Variants in PLXNA1 observed in about 807,000 individuals in gnomAD.
PLXNA1 encodes plexin A1.
Under a neutral mutation model 191.7 loss-of-function variants are expected in PLXNA1, and 77 were observed. The observed-to-expected ratio is 0.40, with a 90% CI of 0.33 to 0.49. The LOEUF (loss-of-function observed/expected upper bound fraction) is 0.49. Among genes scored for constraint, PLXNA1 ranks in the 20% least tolerant of loss-of-function variants. PLXNA1 has a pLI of 0.63. For synonymous variants in PLXNA1, 1,137 were observed against 1,156.4 expected (o/e 0.98, Z 0.34); for missense variants, 2,110 against 2,660.2 (o/e 0.79, Z 4.55).
intron 29 of PLXNA1, among the ~76,000 whole-genome samples, chr3:127,030,925 C>T (rs2079206906): frequency 6.6e-6 from 1 of 152,188 alleles, no homozygotes; most frequent in South Asian, 2.1e-4. Context: ...CGGAGCAGGG[C>T]CTGCCCAGCC....
In PLXNA1 at chr3:127,022,229, A is replaced by T. The variant is rs769808781; in HGVS notation, c.4183A>T (p.Thr1395Ser). ...DRGNVASLIM[T>S]ALQGEMEYAT... ...CGGGAATGTGGCCTCGCTCATCATG[A>T]CGGCCCTGCAGGGCGAGATGGAATA... The change falls in exon 22 of 32, where the codon ACG (threonine) becomes TCG (serine). Residue 1395 changes from threonine (T) to serine (S), a missense_variant. Around this residue, in one of 4 missense-constraint regions of PLXNA1, gnomAD observed 559 missense variants for 911.5 expected, o/e 0.61. Coordinates refer to ENST00000393409, the MANE Select transcript of PLXNA1 (RefSeq NM_032242.4). 1 of 1,613,438 alleles carries T rather than the reference A, an allele frequency of 6.2e-7. No individual in the cohort carries two copies. Among genetic ancestry groups the T allele is most frequent in the Non-Finnish European group, 8.5e-7 (1 of 1,179,988 alleles).
At position 126,988,696 on chromosome 3, in the gene PLXNA1, G is replaced by T. The variant is rs747274300; in HGVS notation, c.103G>T (p.Gly35Trp). The T allele has an allele frequency of 6.4e-7, 1 of 1,574,702 alleles. No homozygotes were observed. Among genetic ancestry groups the T allele is most frequent in the Admixed American group, 1.7e-5 (1 of 57,606 alleles). ...TGAGGCAGGCTTGCCCAGGGCAGGC[G>T]GGGGTTCACAGCCCCCCTTCCGCAC... ...WAEAGLPRAG[G>W]GSQPPFRTFS... Residue 35 changes from glycine to tryptophan, a missense_variant, in exon 2 of 32, where the codon GGG (glycine) becomes TGG (tryptophan). Physicochemically the swap from Gly to Trp is radical, Grantham distance 184 (BLOSUM62 -2). This residue lies in a region of PLXNA1 where 903 missense variants were observed against 1,015.7 expected (regional missense o/e 0.89). Transcript: ENST00000393409.
chr3:127,011,104 A>G (rs1399229397), intron 9 of PLXNA1, among the ~76,000 whole-genome samples: 2 of 152,186 alleles, frequency 1.3e-5, no homozygotes, highest in Non-Finnish European at 2.9e-5. Flanking sequence ...GGTACAGCAT[A>G]GGTATGGCCA....
intron 3 of PLXNA1, among the ~76,000 whole-genome samples, chr3:127,000,409 G>A (rs2079034413): frequency 6.6e-6 from 1 of 152,198 alleles, no homozygotes; most frequent in African/African-American, 2.4e-5. Flanking sequence ...GCTGTGGCCA[G>A]GGTGTGGGCG....
rs542457114 is a variant in PLXNA1, at chr3:127,035,666, C to T, written c.*1649C>T. 69 of 152,690 alleles carry T rather than the reference C, an allele frequency of 4.5e-4. No homozygotes were observed. The highest frequency in any genetic ancestry group is 1.6e-3 in the African/African-American group (67 of 41,552). 9.5% of individuals were successfully genotyped at this position (152,690 alleles called of 1,614,324 possible). A position where few individuals can be genotyped will look rare whatever the true frequency, so the allele number is the denominator to read the frequency against. On this transcript the variant is annotated 3_prime_UTR_variant, in exon 32 of 32. Coordinates refer to ENST00000393409, the MANE Select transcript of PLXNA1 (RefSeq NM_032242.4). ...GCGGTCCATCCCCTTTTCAAGGTCA[C>T]TTTTTTGATGGTACCGAAGATCCCA... is the stretch of plus-strand genomic sequence containing the variant.
rs763701908 is a variant in PLXNA1 at position 127,022,256 on chromosome 3, G to A, written c.4210G>A (p.Ala1404Thr). The A allele has an allele frequency of 1.2e-6, 2 of 1,613,528 alleles. No homozygotes were observed. The highest frequency in any genetic ancestry group is 2.2e-5 in the East Asian group (1 of 44,868). ...MTALQGEMEY[A>T]TGVLKQLLSD... Reference sequence around the variant, plus strand: ...GGCCCTGCAGGGCGAGATGGAATACGCCACAGGCGTGCTCAAGCAGCTGCT... The same window carrying A: ...GGCCCTGCAGGGCGAGATGGAATACACCACAGGCGTGCTCAAGCAGCTGCT... The change falls in exon 22 of 32, where the codon GCC becomes ACC. Residue 1404 changes from alanine (A) to threonine (T), a missense_variant. This residue lies in a region of PLXNA1 where 559 missense variants were observed against 911.5 expected (regional missense o/e 0.61). Transcript: ENST00000393409.
intron 3 of PLXNA1, among the ~76,000 whole-genome samples, chr3:126,993,578 C>T (rs1352688335): frequency 2.0e-5 from 3 of 152,226 alleles, no homozygotes; most frequent in African/African-American, 7.2e-5. Context: ...GGTGCCCATA[C>T]CTGCCTCCCA....
Position 127,036,344 on chromosome 3 carries a change from G to C in PLXNA1, c.*2327G>C, listed in dbSNP as rs1333002058. On this transcript the variant is annotated 3_prime_UTR_variant, in exon 32 of 32. Coordinates refer to ENST00000393409, the MANE Select transcript of PLXNA1 (RefSeq NM_032242.4). ...GCCCTTGTCCATGTGAGTAGCATGG[G>C]CGGGTGGTGGGGACGGCAGTGGTGA... 6.5e-6 allele frequency: 1 copy of C among 152,720 alleles called. No individual in the cohort carries two copies. The highest frequency in any genetic ancestry group is 1.5e-5 in the Non-Finnish European group (1 of 68,212). 9.5% of individuals were successfully genotyped at this position (152,720 alleles called of 1,614,324 possible).
chr3:126,989,875 C>T, intron 2 of PLXNA1, 88 bp downstream of exon 2: 1 of 1,164,834 alleles, frequency 8.6e-7, no homozygotes, highest in East Asian at 2.4e-5. Context: ...CCAGTGGTGC[C>T]TGCTGTGTGC....
chr3:127,016,320 G>T (rs1451933863), intron 15 of PLXNA1, among the ~76,000 whole-genome samples, 197 bp from the exon 16 acceptor site: 1 of 152,172 alleles, frequency 6.6e-6, no homozygotes, highest in Non-Finnish European at 1.5e-5. Flanking sequence ...GTGGGGGCCT[G>T]AAGGGGCTGG....
chr3:127,018,371 T>G lies in PLXNA1; in HGVS notation c.3738T>G (p.Ile1246Met). The change falls in exon 20 of 32, where the codon ATT (isoleucine) becomes ATG (methionine). Residue 1246 changes from isoleucine to methionine, a missense_variant. Around this residue, in one of 4 missense-constraint regions of PLXNA1, gnomAD observed 559 missense variants for 911.5 expected, o/e 0.61. Coordinates refer to ENST00000393409, the MANE Select transcript of PLXNA1 (RefSeq NM_032242.4). ...ACAGCCTGCTGACGCTGCCTGCCAT[T>G]GTGGGCATTGGCGGAGGCGGGGGTC... The part of the protein sequence containing the change: ...YSDSLLTLPA[I>M]VGIGGGGGLL... 2 of 1,613,064 alleles carry G rather than the reference T, an allele frequency of 1.2e-6. No homozygotes were observed. The highest frequency in any genetic ancestry group is 1.7e-6 in the Non-Finnish European group (2 of 1,179,972).
At chr3:127,012,226 G>A (rs1576680714) in intron 10 of PLXNA1, 68 bp downstream of exon 10, 1 of 1,496,958 alleles carries the variant, frequency 6.7e-7, no homozygotes, top group Non-Finnish European at 9.1e-7. Flanking sequence ...ACGGCCCTGG[G>A]TCCTGGCGTG....
intron 29 of PLXNA1, among the ~76,000 whole-genome samples, chr3:127,031,341 G>C (rs542286523): frequency 6.6e-6 from 1 of 152,260 alleles, no homozygotes; most frequent in African/African-American, 2.4e-5. Context: ...GCCCCTCTCT[G>C]TGCACCAGGC....
intron 9 of PLXNA1, among the ~76,000 whole-genome samples, chr3:127,010,316 T>C (rs1314776791): frequency 1.3e-5 from 2 of 152,166 alleles, no homozygotes; most frequent in African/African-American, 4.8e-5. Flanking sequence ...CTGTCATTGA[T>C]CCCAGGAGAC....
intron 1 of PLXNA1, among the ~76,000 whole-genome samples, chr3:126,984,650 GT>G (rs1284804306): frequency 7.9e-5 from 10 of 126,500 alleles, no homozygotes. Context: ...CAGGAAGGGC[GT>G]TTTGGGCAGA....
chr3:127,014,289 C>T lies in PLXNA1; in HGVS notation c.2518C>T (p.Arg840Ter), dbSNP rs1184304062. 2 of 1,595,592 alleles carry T rather than the reference C, an allele frequency of 1.3e-6. No homozygotes were observed. The highest frequency in any genetic ancestry group is 1.7e-6 in the Non-Finnish European group (2 of 1,174,592). ...CGTGGCCGAGCGCCGCTGCTCCCTG[C>T]GACACCACTGCGCTGCCGACACACC... ...WCVAERRCSLRHHCAADTPAS... is the reference protein window; with the variant it reads ...WCVAERRCSL Residue 840 changes from arginine to a stop codon, truncating the protein, a stop_gained, in exon 12 of 32, where the codon CGA (arginine) becomes TGA (stop). Transcript: ENST00000393409. LOFTEE classifies it high-confidence loss of function.
At chr3:127,020,706 G>C (rs887637785) in intron 21 of PLXNA1, among the ~76,000 whole-genome samples, 35 of 152,252 alleles carry the variant, frequency 2.3e-4, no homozygotes, top group African/African-American at 7.7e-4. Context: ...CACCTCCCCG[G>C]TGGCTGCCCC....
chr3:127,016,497 T>C lies in PLXNA1; in HGVS notation c.3015-20T>C. The C allele has an allele frequency of 6.2e-7, 1 of 1,612,458 alleles. No homozygotes were observed. The highest frequency in any genetic ancestry group is 8.5e-7 in the Non-Finnish European group (1 of 1,179,384). ...GGTTCCACCCGTGTGCTCCTCACTG[T>C]CCCACTCGGGCACCTCCAGGAGGAA... On this transcript the variant is annotated intron_variant, in intron 15 of 31. Transcript: ENST00000393409.
At chr3:127,009,816 G>C (rs958891846) in intron 9 of PLXNA1, among the ~76,000 whole-genome samples, 3 of 152,222 alleles carry the variant, frequency 2.0e-5, no homozygotes, top group Non-Finnish European at 4.4e-5. Context: ...CGCCAGACTG[G>C]GGCCATGGAG....
Sources: allele counts gnomAD v4.1 joint callset (sites outside exome capture counted in the v4.1 genomes callset), GRCh38; gene constraint gnomAD v4.1.1; regional missense constraint gnomAD v4.1.1; transcripts MANE v1.5; gene names NCBI Gene and HGNC (gene_info 2026-07-23, HGNC 2026-07-21).